The following UNC5D variants were observed in gnomAD, a reference collection of about 807,000 sequenced individuals.
The protein encoded by UNC5D is netrin receptor UNC5D.
A neutral mutation model predicts 105.4 loss-of-function variants in UNC5D; 39 were observed. That is an observed-to-expected ratio of 0.37 (90% CI 0.29 to 0.48). The LOEUF is 0.48. Among genes scored for constraint, UNC5D ranks in the 20% least tolerant of loss-of-function variants. The pLI is 0.98. For synonymous variants in UNC5D, 452 were observed against 450.4 expected, an observed-to-expected ratio of 1.00 and a Z score of -0.04; for missense variants, 991 against 1,202.4, an observed-to-expected ratio of 0.82 and a Z score of 2.60.
intron 1 of UNC5D, among the ~76,000 whole-genome samples, chr8:35,309,313 T>C (rs1808690458): frequency 6.6e-6 from 1 of 152,174 alleles, no homozygotes; most frequent in Non-Finnish European, 1.5e-5. Context: ...ACTTCCCCTG[T>C]TGCAGGTGCA....
At chr8:35,567,043 T>C (rs746787990) in intron 2 of UNC5D, among the ~76,000 whole-genome samples, 43 of 152,158 alleles carry the variant, frequency 2.8e-4, no homozygotes, top group Middle Eastern at 6.8e-3. Context: ...ACCAGACAAT[T>C]TGTTTAATTT....
intron 7 of UNC5D, among the ~76,000 whole-genome samples, chr8:35,693,542 G>A (rs1228671252): frequency 6.6e-6 from 1 of 152,040 alleles, no homozygotes; most frequent in Non-Finnish European, 1.5e-5. Context: ...GATGCCTTTT[G>A]TCATCCAGAA....
intron 1 of UNC5D, among the ~76,000 whole-genome samples, chr8:35,510,310 C>CAAAAAAAA (rs11317897): frequency 1.4e-5 from 1 of 71,860 alleles, no homozygotes; most frequent in African/African-American, 4.4e-5. Context: ...TTTTTATATC[C>CAAAAAAAA]AAAAAAAAAA....
intron 1 of UNC5D, among the ~76,000 whole-genome samples, chr8:35,264,493 C>T (rs902909597): frequency 2.6e-5 from 4 of 152,108 alleles, no homozygotes; most frequent in Non-Finnish European, 4.4e-5. Flanking sequence ...TTTGGGAGGC[C>T]GAGGTGGGTG....
chr8:35,724,938 G>GA (rs11429724), intron 9 of UNC5D, among the ~76,000 whole-genome samples: 5,970 of 151,546 alleles, frequency 0.039, 286 homozygotes, highest in African/African-American at 0.11. Context: ...CTCATGCATG[G>GA]AAAAAAAATA....
At chr8:35,373,676 G>A (rs1802543291) in intron 1 of UNC5D, among the ~76,000 whole-genome samples, 1 of 152,128 alleles carries the variant, frequency 6.6e-6, no homozygotes, top group Admixed American at 6.6e-5. Flanking sequence ...AATGCATTTA[G>A]GATTGCTTAC....
At chr8:35,653,602 G>T (rs1823558327) in intron 4 of UNC5D, among the ~76,000 whole-genome samples, 1 of 152,104 alleles carries the variant, frequency 6.6e-6, no homozygotes, top group Non-Finnish European at 1.5e-5. Flanking sequence ...TTGTCTCTTG[G>T]TGCTACTTTG....
At chr8:35,236,064 C>G (rs1463860086) in intron 1 of UNC5D, among the ~76,000 whole-genome samples, 177 bp downstream of exon 1, 1 of 152,190 alleles carries the variant, frequency 6.6e-6, no homozygotes, top group African/African-American at 2.4e-5. Context: ...CCTTCCAACC[C>G]AAGTTTGCGA....
chr8:35,459,289 G>A (rs1270344876), intron 1 of UNC5D, among the ~76,000 whole-genome samples: 2 of 152,198 alleles, frequency 1.3e-5, no homozygotes, highest in Middle Eastern at 3.4e-3. Context: ...GTTAGGTGAG[G>A]GTGGAGAATT....
intron 2 of UNC5D, among the ~76,000 whole-genome samples, chr8:35,563,838 G>A (rs1411414221): frequency 6.6e-6 from 1 of 151,916 alleles, no homozygotes; most frequent in African/African-American, 2.4e-5. Flanking sequence ...GTTGAAATTT[G>A]TCAAATGCTT....
intron 4 of UNC5D, among the ~76,000 whole-genome samples, chr8:35,612,089 A>G (rs960794149): frequency 6.6e-6 from 1 of 152,342 alleles, no homozygotes; most frequent in East Asian, 1.9e-4. Context: ...AGCCTACTCA[A>G]AATAATTCAG....
chr8:35,250,511 T>C (rs1250064957), intron 1 of UNC5D, among the ~76,000 whole-genome samples: 1 of 152,176 alleles, frequency 6.6e-6, no homozygotes, highest in African/African-American at 2.4e-5. Flanking sequence ...TTTTTCTTTT[T>C]TGAGATGGAG....
At chr8:35,674,481 T>C (rs2131293567) in intron 4 of UNC5D, among the ~76,000 whole-genome samples, 1 of 152,268 alleles carries the variant, frequency 6.6e-6, no homozygotes, top group African/African-American at 2.4e-5. Context: ...ATGGGGGTGA[T>C]AAAAATGGTA....
At chr8:35,319,388 G>A (rs926234778) in intron 1 of UNC5D, among the ~76,000 whole-genome samples, 2 of 152,110 alleles carry the variant, frequency 1.3e-5, no homozygotes, top group African/African-American at 2.4e-5. Flanking sequence ...GAACAGCCAA[G>A]ATTCTTTAAG....
intron 1 of UNC5D, among the ~76,000 whole-genome samples, chr8:35,309,777 T>C (rs142099173): frequency 6.6e-6 from 1 of 152,150 alleles, no homozygotes; most frequent in African/African-American, 2.4e-5. Context: ...AAATGCAGAT[T>C]CCAAGGTTCT....
chr8:35,381,355 G>A (rs1221885123), intron 1 of UNC5D, among the ~76,000 whole-genome samples: 1 of 152,060 alleles, frequency 6.6e-6, no homozygotes, highest in Non-Finnish European at 1.5e-5. Context: ...CTGAATCCTA[G>A]GTGATTTATA....
chr8:35,677,097 G>A (rs1012293171), intron 4 of UNC5D, among the ~76,000 whole-genome samples: 8 of 151,924 alleles, frequency 5.3e-5, no homozygotes, highest in African/African-American at 9.7e-5. Flanking sequence ...CAGGTCTTGC[G>A]GTCTACGTTT....
At chr8:35,299,428 C>G (rs947523668) in intron 1 of UNC5D, among the ~76,000 whole-genome samples, 2 of 152,180 alleles carry the variant, frequency 1.3e-5, no homozygotes, top group African/African-American at 4.8e-5. Context: ...TTAAGCTGGA[C>G]AGTGATGTGT....
intron 1 of UNC5D, among the ~76,000 whole-genome samples, chr8:35,468,898 G>A (rs1369192697): frequency 2.6e-5 from 4 of 152,344 alleles, no homozygotes; most frequent in African/African-American, 9.6e-5. Flanking sequence ...GAAGAAAACT[G>A]AGGGTGTGGG....
Sources: gnomAD v4.1 joint callset for allele counts (sites outside exome capture counted in the v4.1 genomes callset) on GRCh38, gnomAD v4.1.1 for gene constraint, MANE v1.5 for transcripts, NCBI Gene and HGNC (gene_info 2026-07-23, HGNC 2026-07-21) for gene names.